Variants in TNIK observed in about 807,000 individuals in gnomAD.
TNIK encodes the protein TRAF2 and NCK-interacting protein kinase.
TNIK carries 49 observed loss-of-function variants against 191.3 expected under a neutral mutation model. That is an observed-to-expected ratio of 0.26 (90% CI 0.20 to 0.32). The LOEUF is 0.32. Among genes scored for constraint, TNIK ranks in the 10% least tolerant of loss-of-function variants. The probability of loss-of-function intolerance (pLI) is 1.00; values close to 1 mark genes in which losing one functional copy is unlikely to be tolerated. For synonymous variants in TNIK, 594 were observed against 600.9 expected (o/e 0.99, Z 0.17); for missense variants, 1,155 against 1,702.3 (o/e 0.68, Z 5.66).
At position 171,110,840 on chromosome 3, in the gene TNIK, T is replaced by C. The variant is rs753748660; in HGVS notation, c.2158A>G (p.Ser720Gly). 4 of 1,605,268 alleles carry C rather than the reference T, an allele frequency of 2.5e-6. No homozygotes were observed. The highest frequency in any genetic ancestry group is 3.4e-5 in the Admixed American group (2 of 59,158). ...CCACTGCTGGTCCTCTGCAAGGGGC[T>C]CTCCAAGATGGGCTCAGTTCTCCGG... is the stretch of plus-strand genomic sequence containing the variant. The part of the protein sequence containing the change: ...DLRRTEPILE[S>G]PLQRTSSGSS... The change falls in exon 19 of 33, where the codon AGC becomes GGC. Residue 720 changes from serine (S) to glycine (G), a missense_variant. Coordinates refer to ENST00000436636, the MANE Select transcript of TNIK (RefSeq NM_015028.4).
At chr3:171,147,244 C>A (rs903542045) in intron 12 of TNIK, among the ~76,000 whole-genome samples, 1 of 152,092 alleles carries the variant, frequency 6.6e-6, no homozygotes, top group African/African-American at 2.4e-5. Flanking sequence ...TGGGAAGTAC[C>A]TCAAACCATC....
chr3:171,415,873 C>G (rs1344097072), intron 1 of TNIK, among the ~76,000 whole-genome samples: 4 of 143,456 alleles, frequency 2.8e-5, no homozygotes, highest in Admixed American at 1.5e-4. Context: ...CCCAGCTACT[C>G]GGGAAGCTGA....
At chr3:171,125,825 C>T in intron 17 of TNIK, 87 bp downstream of exon 17, 1 of 1,539,840 alleles carries the variant, frequency 6.5e-7, no homozygotes. Context: ...TGATCACATT[C>T]TCCACTACTA....
intron 18 of TNIK, among the ~76,000 whole-genome samples, chr3:171,113,022 C>A (rs2108511912): frequency 6.6e-6 from 1 of 152,232 alleles, no homozygotes; most frequent in African/African-American, 2.4e-5. Flanking sequence ...AAAGGTATGA[C>A]AGATTTTCAC....
At chr3:171,162,506 C>G (rs1480274842) in intron 10 of TNIK, among the ~76,000 whole-genome samples, 1 of 152,156 alleles carries the variant, frequency 6.6e-6, no homozygotes, top group Non-Finnish European at 1.5e-5. Context: ...TCCTTTAATT[C>G]AGCAAAATGG....
intron 23 of TNIK, among the ~76,000 whole-genome samples, chr3:171,089,440 C>T (rs986764217): frequency 1.3e-5 from 2 of 152,184 alleles, no homozygotes; most frequent in Non-Finnish European, 2.9e-5. Context: ...TAGCATAAAT[C>T]ACATGTCATC....
chr3:171,071,146 A>G, intron 29 of TNIK, 77 bp downstream of exon 29: 1 of 1,099,446 alleles, frequency 9.1e-7, no homozygotes, highest in Non-Finnish European at 1.3e-6. Context: ...GTATTGGTCT[A>G]TATGGACTAT....
chr3:171,164,888 A>T (rs192637488), intron 10 of TNIK, among the ~76,000 whole-genome samples: 2 of 152,212 alleles, frequency 1.3e-5, no homozygotes, highest in African/African-American at 4.8e-5. Flanking sequence ...TCTAATTGAC[A>T]TCTTATTAAC....
At chr3:171,163,379 T>A (rs1734244105) in intron 10 of TNIK, among the ~76,000 whole-genome samples, 1 of 152,218 alleles carries the variant, frequency 6.6e-6, no homozygotes, top group Non-Finnish European at 1.5e-5. Flanking sequence ...AATTTAGTTA[T>A]GTTACCACCA....
At chr3:171,388,846 T>C (rs1346498386) in intron 1 of TNIK, among the ~76,000 whole-genome samples, 1 of 152,222 alleles carries the variant, frequency 6.6e-6, no homozygotes, top group East Asian at 1.9e-4. Flanking sequence ...TGTGTTTAAG[T>C]GCCTAACTCC....
chr3:171,171,059 AAAG>A (rs1475418679), intron 9 of TNIK, among the ~76,000 whole-genome samples: 1 of 152,170 alleles, frequency 6.6e-6, no homozygotes, highest in East Asian at 1.9e-4. Context: ...CTCTAAAAAA[AAAG>A]AAATCCTCAT....
intron 1 of TNIK, among the ~76,000 whole-genome samples, chr3:171,445,928 C>G (rs545426468): frequency 2.6e-5 from 4 of 152,240 alleles, no homozygotes; most frequent in African/African-American, 9.6e-5. Context: ...CATTTTAAAG[C>G]TTATTTATGT....
At chr3:171,414,625 C>T (rs1722824365) in intron 1 of TNIK, among the ~76,000 whole-genome samples, 1 of 152,148 alleles carries the variant, frequency 6.6e-6, no homozygotes, top group Non-Finnish European at 1.5e-5. Context: ...TTCCCACAGG[C>T]CAGTTCATTG....
chr3:171,264,067 T>TACACACACACAC lies in TNIK; in HGVS notation c.124-35858_124-35847dup, dbSNP rs760319253. ...ATATGTGTGTGTGTATATATATACA[T>TACACACACACAC]ACACACACACACACACACACACACA... On this transcript the variant is annotated intron_variant, in intron 2 of 32. Transcript: ENST00000436636. Among the ~76,000 whole-genome samples, 27 of 110,820 alleles carry TACACACACACAC rather than the reference T, an allele frequency of 2.4e-4. No individual in the cohort carries two copies. The East Asian group carries it at 7.9e-3, about 32-fold the overall frequency. 72.7% of individuals were successfully genotyped at this position (110,820 alleles called of 152,430 possible).
At chr3:171,248,280 T>C (rs1745838850) in intron 2 of TNIK, among the ~76,000 whole-genome samples, 4 of 151,718 alleles carry the variant, frequency 2.6e-5, no homozygotes, top group South Asian at 2.1e-4. Context: ...GTGGTGGAGA[T>C]TGGGAGCAAC....
At chr3:171,322,905 A>C (rs1755323115) in intron 2 of TNIK, among the ~76,000 whole-genome samples, 1 of 150,236 alleles carries the variant, frequency 6.7e-6, no homozygotes, top group Non-Finnish European at 1.5e-5. Flanking sequence ...CAGATCCACT[A>C]CCTGCTTTTG....
chr3:171,360,868 A>G (rs1714870181), intron 2 of TNIK, among the ~76,000 whole-genome samples: 1 of 152,248 alleles, frequency 6.6e-6, no homozygotes, highest in African/African-American at 2.4e-5. Flanking sequence ...GGTGCATGGA[A>G]TACAACATTG....
chr3:171,083,731 C>T (rs1484988994), intron 26 of TNIK, among the ~76,000 whole-genome samples: 1 of 149,680 alleles, frequency 6.7e-6, no homozygotes, highest in East Asian at 1.9e-4. Context: ...AAGGTTTATG[C>T]CATTATTTAT....
chr3:171,443,351 AT>A (rs1375588567), intron 1 of TNIK, among the ~76,000 whole-genome samples: 1 of 152,192 alleles, frequency 6.6e-6, no homozygotes, highest in East Asian at 1.9e-4. Context: ...AACATATATT[AT>A]CTCAAGCGTT....
Sources: allele counts gnomAD v4.1 joint callset (sites outside exome capture counted in the v4.1 genomes callset), GRCh38; gene constraint gnomAD v4.1.1; transcripts MANE v1.5; gene names NCBI Gene and HGNC (gene_info 2026-07-23, HGNC 2026-07-21).